The following RBFOX1 variants were observed in gnomAD, a reference collection of about 807,000 sequenced individuals.
RBFOX1 encodes RNA binding fox-1 homolog 1, also known as RNA binding protein fox-1 homolog 1.
Under a neutral mutation model 57.7 loss-of-function variants are expected in RBFOX1, and 8 were observed. The observed-to-expected ratio is 0.14, with a 90% CI of 0.08 to 0.25. The LOEUF (loss-of-function observed/expected upper bound fraction) is 0.25. Among genes scored for constraint, RBFOX1 ranks in the 10% least tolerant of loss-of-function variants. The pLI is 1.00. For synonymous variants in RBFOX1, 326 were observed against 222.4 expected (o/e 1.47, Z -4.15); for missense variants, 611 against 548.5 (o/e 1.11, Z -1.14).
chr16:7,637,866 A>G lies in RBFOX1; in HGVS notation c.757+7183A>G, dbSNP rs545288940. 5.9e-5 allele frequency among the ~76,000 whole-genome samples: 9 copies of G among 152,328 alleles called. No homozygotes were observed. In the East Asian group the frequency reaches 1.7e-3, roughly 29 times the overall value. On this transcript the variant is annotated intron_variant, in intron 11 of 15. Transcript: ENST00000550418. ...CCAAATACCTCATAAATAGCATTTTAATGCAATATTTTTAAAAATCTAAAG... is the reference window on the plus strand; with the variant it reads ...CCAAATACCTCATAAATAGCATTTTGATGCAATATTTTTAAAAATCTAAAG...
intron 3 of RBFOX1, among the ~76,000 whole-genome samples, chr16:6,748,015 T>C (rs975383724): frequency 2.0e-5 from 3 of 152,230 alleles, no homozygotes; most frequent in Admixed American, 6.5e-5. Flanking sequence ...TTGTATGATT[T>C]GAAGGATTGT....
intron 2 of RBFOX1, among the ~76,000 whole-genome samples, chr16:6,619,095 A>C (rs2098186619): frequency 6.6e-6 from 1 of 152,138 alleles, no homozygotes; most frequent in South Asian, 2.1e-4. Context: ...CATACCAATT[A>C]AAATGACTTC....
At chr16:6,015,712 T>G (rs1334793944), upstream of RBFOX1, among the ~76,000 whole-genome samples, 1 of 152,204 alleles carries the variant, frequency 6.6e-6, no homozygotes, top group Non-Finnish European at 1.5e-5. Flanking sequence ...CAACTCTCTG[T>G]GGAATTCCTA....
At chr16:5,848,505 T>A (rs2056812054) in intron 3 of RBFOX1, among the ~76,000 whole-genome samples, 1 of 152,184 alleles carries the variant, frequency 6.6e-6, no homozygotes, top group South Asian at 2.1e-4. Context: ...GTTAAGAGAC[T>A]GGCCTAGTTT....
chr16:6,952,515 G>C (rs954961177), intron 3 of RBFOX1, among the ~76,000 whole-genome samples: 1 of 151,948 alleles, frequency 6.6e-6, no homozygotes, highest in Non-Finnish European at 1.5e-5. Flanking sequence ...ATGCACACCT[G>C]TAGTCCCACC....
At chr16:5,664,496 G>C (rs747703570) in intron 3 of RBFOX1, among the ~76,000 whole-genome samples, 1 of 151,920 alleles carries the variant, frequency 6.6e-6, no homozygotes, top group East Asian at 1.9e-4. Context: ...GCAATGAACC[G>C]AGATTGCATC....
chr16:6,527,349 T>C (rs745563918), intron 2 of RBFOX1, among the ~76,000 whole-genome samples: 3 of 152,050 alleles, frequency 2.0e-5, no homozygotes, highest in Non-Finnish European at 2.9e-5. Context: ...TGTGTGTGTA[T>C]CCTCTCCTTC....
intron 3 of RBFOX1, among the ~76,000 whole-genome samples, chr16:7,016,571 G>T (rs1376243213): frequency 6.6e-6 from 1 of 152,152 alleles, no homozygotes; most frequent in Admixed American, 6.5e-5. Flanking sequence ...ATCATCTCAC[G>T]TAATTCCTCC....
rs765553678 is a variant in RBFOX1 at position 5,599,082 on chromosome 16, G to A, written c.439G>A (p.Gly147Arg). The stretch of plus-strand genomic sequence containing the variant: ...GTTTTTACCTGAAACTGATCTTGCT[G>A]GAGAATTAACTGGGTTTGAGGGGAA... The change falls in exon 3 of 3, where the codon GGA becomes AGA. Residue 147 changes from glycine (G) to arginine (R), a missense_variant. Coordinates refer to the RBFOX1 transcript ENST00000585867. The A allele has an allele frequency of 9.5e-6, 9 of 951,440 alleles. No homozygotes were observed. In the African/African-American group the frequency reaches 1.3e-4, roughly 14 times the overall value. 58.9% of individuals were successfully genotyped at this position (951,440 alleles called of 1,614,324 possible). A position where few individuals can be genotyped will look rare whatever the true frequency, so the allele number is the denominator to read the frequency against.
intron 3 of RBFOX1, among the ~76,000 whole-genome samples, chr16:6,830,646 A>G (rs2092640236): frequency 6.6e-6 from 1 of 152,182 alleles, no homozygotes; most frequent in African/African-American, 2.4e-5. Context: ...TATATAGAAC[A>G]GCTCTTACAC....
intron 2 of RBFOX1, among the ~76,000 whole-genome samples, chr16:6,531,338 G>T (rs1244862940): frequency 6.6e-6 from 1 of 152,114 alleles, no homozygotes; most frequent in Non-Finnish European, 1.5e-5. Context: ...ACTTAGCATG[G>T]ACTCATGGCT....
At chr16:6,375,009 A>G (rs962473208) in intron 2 of RBFOX1, among the ~76,000 whole-genome samples, 1 of 151,860 alleles carries the variant, frequency 6.6e-6, no homozygotes, top group African/African-American at 2.4e-5. Flanking sequence ...CTATTGCTGC[A>G]TTGAGTGCTT....
chr16:5,707,868 C>G (rs571562255), intron 3 of RBFOX1, among the ~76,000 whole-genome samples: 2 of 152,176 alleles, frequency 1.3e-5, no homozygotes, highest in Non-Finnish European at 2.9e-5. Context: ...TGGAATCAGA[C>G]AGACTTGGGT....
chr16:6,118,986 A>G (rs2096528208), intron 1 of RBFOX1, among the ~76,000 whole-genome samples: 1 of 150,216 alleles, frequency 6.7e-6, no homozygotes, highest in Non-Finnish European at 1.5e-5. Flanking sequence ...AGTTCCCTCC[A>G]GTCTGTGAAT....
chr16:7,413,107 A>C (rs2098445609), intron 4 of RBFOX1, among the ~76,000 whole-genome samples: 1 of 152,178 alleles, frequency 6.6e-6, no homozygotes, highest in Non-Finnish European at 1.5e-5. Flanking sequence ...TTATGGAATT[A>C]TTTTACTTGA....
intron 4 of RBFOX1, among the ~76,000 whole-genome samples, chr16:5,973,473 G>A (rs984742333): frequency 1.3e-5 from 2 of 152,088 alleles, no homozygotes; most frequent in South Asian, 2.1e-4. Flanking sequence ...AGTAAAATGG[G>A]GATAATGATG....
At chr16:6,859,034 G>C (rs1178284076) in intron 3 of RBFOX1, among the ~76,000 whole-genome samples, 2 of 149,618 alleles carry the variant, frequency 1.3e-5, no homozygotes, top group African/African-American at 5.0e-5. Flanking sequence ...ATGTATAAGT[G>C]CCAGGACTGA....
intron 4 of RBFOX1, among the ~76,000 whole-genome samples, chr16:7,122,038 G>C (rs2067306420): frequency 6.6e-6 from 1 of 151,912 alleles, no homozygotes; most frequent in Admixed American, 6.6e-5. Flanking sequence ...ATAAAACGTA[G>C]AACTGTAAAG....
chr16:7,394,072 C>T (rs1217077549), intron 4 of RBFOX1, among the ~76,000 whole-genome samples: 2 of 151,502 alleles, frequency 1.3e-5, no homozygotes, highest in Non-Finnish European at 2.9e-5. Flanking sequence ...CCCATCTCTA[C>T]GAAAAATACC....
Sources: allele counts gnomAD v4.1 joint callset (sites outside exome capture counted in the v4.1 genomes callset), GRCh38; gene constraint gnomAD v4.1.1; transcripts MANE v1.5; gene names NCBI Gene and HGNC (gene_info 2026-07-23, HGNC 2026-07-21).